GBA2: variants seen among roughly 807,000 people sequenced by gnomAD.
The protein encoded by GBA2 is glucosylceramidase beta 2, also known as non-lysosomal glucosylceramidase.
In GBA2, 79 loss-of-function variants were observed where a neutral mutation model predicts 112.9. The ratio of observed to expected loss-of-function variants is 0.70; its 90% CI spans 0.58 to 0.84. The LOEUF (loss-of-function observed/expected upper bound fraction) is 0.84. GBA2 is among the 40% of genes least tolerant of loss of function. The pLI is 0.00. For synonymous variants in GBA2, 403 were observed against 434.3 expected (o/e 0.93, Z 0.90); for missense variants, 1,043 against 1,190.0 (o/e 0.88, Z 1.82).
At position 35,739,810 on chromosome 9, in the gene GBA2, G is replaced by A. The variant is rs368581313; in HGVS notation, c.1410-10C>T. ...CCAGGCAGGCAGTGATCTGGGAAGC[G>A]AGGAGGAGGAAATGGTTTAAGGAAC... On this transcript the variant is annotated splice_polypyrimidine_tract_variant and intron_variant, in intron 8 of 16. Transcript: ENST00000378103. 6.2e-6 allele frequency: 10 copies of A among 1,612,190 alleles called. No homozygotes were observed. The African/African-American group carries it at 9.3e-5, about 15-fold the overall frequency.
Position 35,748,730 on chromosome 9 carries a change from C to T in GBA2, c.-26G>A, listed in dbSNP as rs1337224889. ...GACCTCGATGGCGCCAAGTCCCGAGCCCTCGGATACTAAGTATCTCGCCAG... is the reference window on the plus strand; with the variant it reads ...GACCTCGATGGCGCCAAGTCCCGAGTCCTCGGATACTAAGTATCTCGCCAG... On this transcript the variant is annotated 5_prime_UTR_variant, in exon 1 of 17. Coordinates refer to ENST00000378103, the MANE Select transcript of GBA2 (RefSeq NM_020944.3). 1.5e-6 allele frequency: 2 copies of T among 1,365,942 alleles called. No homozygotes were observed. The highest frequency in any genetic ancestry group is 1.5e-5 in the African/African-American group (1 of 68,672). The allele number at this position is 1,365,942 out of a possible 1,614,324, so 84.6% of individuals were successfully genotyped here.
At chr9:35,739,908 C>T (rs1826537175) in intron 8 of GBA2, 90 bp downstream of exon 8, 5 of 1,561,832 alleles carry the variant, frequency 3.2e-6, no homozygotes, top group South Asian at 1.1e-5. Flanking sequence ...CAGTGCAAGT[C>T]TACTGACTTT....
chr9:35,740,893 G>T lies in GBA2; in HGVS notation c.958C>A (p.Arg320=). 6.2e-7 allele frequency: 1 copy of T among 1,613,908 alleles called. No homozygotes were observed. Among genetic ancestry groups the T allele is most frequent in the Non-Finnish European group, 8.5e-7 (1 of 1,179,846 alleles). The change falls in exon 5 of 17, where the codon CGG becomes AGG. Residue 320 remains arginine (R), a synonymous_variant. Transcript: ENST00000378103. This position sits in a 1 kb window ranked among gnomAD's most constrained non-coding sequence, Gnocchi z 4.7. ...FCLERSGETV[R]GLLLHHPTLP... ...GTTGGATGATGCAGGAGCAGCCCCCGGACAGTTTCCCCGCTACGCTCCAGA... is the reference window on the plus strand; with the variant it reads ...GTTGGATGATGCAGGAGCAGCCCCCTGACAGTTTCCCCGCTACGCTCCAGA...
At chr9:35,742,790 G>A (rs1202228451) in intron 3 of GBA2, among the ~76,000 whole-genome samples, 2 of 152,134 alleles carry the variant, frequency 1.3e-5, no homozygotes, top group African/African-American at 4.8e-5. Context: ...AAAAGTTTTA[G>A]CTCTTGGAGG....
At position 35,740,262 on chromosome 9, in the gene GBA2, C is replaced by T. The variant is rs1269990947; in HGVS notation, c.1230G>A (p.Leu410=). ...PRGQCRLEFS[L]AWDMPRIMFG... is the part of the protein sequence containing the mutation. ...ACATGATCCTGGGCATGTCCCAAGC[C>T]AGTGAAAACTCCAGGCGGCACTGGC... is the stretch of plus-strand genomic sequence containing the variant. The change falls in exon 7 of 17, where the codon CTG becomes CTA. Residue 410 remains leucine, a synonymous_variant. Transcript: ENST00000378103. The surrounding 1 kb of genome is among the most constrained non-coding windows in gnomAD (Gnocchi z 4.7). 1.7e-5 allele frequency: 28 copies of T among 1,614,020 alleles called. No homozygotes were observed. The highest frequency in any genetic ancestry group is 2.1e-5 in the Non-Finnish European group (25 of 1,180,024).
chr9:35,741,316 A>G lies in GBA2; in HGVS notation c.787-252T>C, dbSNP rs1159208235. 7.4e-6 allele frequency: 4 copies of G among 537,316 alleles called. No homozygotes were observed. Among genetic ancestry groups the G allele is most frequent in the Admixed American group, 3.5e-5 (1 of 28,510 alleles). The allele number at this position is 537,316 out of a possible 1,614,324, so 33.3% of individuals were successfully genotyped here. A position where few individuals can be genotyped will look rare whatever the true frequency, so the allele number is the denominator to read the frequency against. On this transcript the variant is annotated intron_variant, in intron 4 of 16. Coordinates refer to ENST00000378103, the MANE Select transcript of GBA2 (RefSeq NM_020944.3). This position sits in a 1 kb window ranked among gnomAD's most constrained non-coding sequence, Gnocchi z 4.6. ...GGCTCCAACCTCCCTTTCACAGGCC[A>G]TGCAGTTTCTTTTTTTTTTTTTTTG...
rs371189722 is a variant in GBA2 at position 35,748,849 on chromosome 9, C to G, written c.-145G>C. The G allele has an allele frequency of 1.7e-6, 1 of 596,552 alleles. No individual in the cohort carries two copies. 37.0% of individuals were successfully genotyped at this position (596,552 alleles called of 1,614,324 possible). On this transcript the variant is annotated 5_prime_UTR_variant, in exon 1 of 17. Transcript: ENST00000378103. The stretch of plus-strand genomic sequence containing the variant: ...TAAATGAGCTGGTGTTTCAGTGGAG[C>G]CGGGGAGCTCTTGCTTCAGTGGGGG...
Position 35,737,747 on chromosome 9 carries a change from C to G in GBA2, c.2505+1G>C, listed in dbSNP as rs1826315911. On this transcript the variant is annotated splice_donor_variant, in intron 16 of 16. Transcript: ENST00000378103. LOFTEE classifies it high-confidence loss of function. This position sits in a 1 kb window ranked among gnomAD's most constrained non-coding sequence, Gnocchi z 4.1. Reference sequence around the variant, plus strand: ...GAGAGATGGGAAAAGGAGTGCATTACCTCTTGGATCATGGTAGCTGCCAGC... The same window carrying G: ...GAGAGATGGGAAAAGGAGTGCATTAGCTCTTGGATCATGGTAGCTGCCAGC... 6.2e-7 allele frequency: 1 copy of G among 1,613,750 alleles called. No individual in the cohort carries two copies. Among genetic ancestry groups the G allele is most frequent in the Non-Finnish European group, 8.5e-7 (1 of 1,179,652 alleles).
rs1826250129 is a variant in GBA2, at chr9:35,737,100, A to C, written c.*69T>G. On this transcript the variant is annotated 3_prime_UTR_variant, in exon 17 of 17. Coordinates refer to ENST00000378103, the MANE Select transcript of GBA2 (RefSeq NM_020944.3). This position sits in a 1 kb window ranked among gnomAD's most constrained non-coding sequence, Gnocchi z 4.1. ...GATGGCTCAGGGTTGCAGGAGGTTC[A>C]GAGGGGAAGGAGGAAAGGCCAGGCT... 1 of 1,551,140 alleles carries C rather than the reference A, an allele frequency of 6.4e-7. No individual in the cohort carries two copies. The highest frequency in any genetic ancestry group is 8.7e-7 in the Non-Finnish European group (1 of 1,154,636).
In GBA2 at chr9:35,739,395, G is replaced by A. The variant is rs747024085; in HGVS notation, c.1607C>T (p.Thr536Ile). Residue 536 changes from threonine to isoleucine, a missense_variant, in exon 10 of 17, where the codon ACA (threonine) becomes ATA (isoleucine). By Grantham distance (89) the Thr-to-Ile change is moderately conservative. Transcript: ENST00000378103. Reference sequence around the variant, plus strand: ...GGAAGCATAAAAGTGGACATCATATGTGTTGTACATGCGGTACTCCTGGCC... The same window carrying A: ...GGAAGCATAAAAGTGGACATCATATATGTTGTACATGCGGTACTCCTGGCC... ...LEGQEYRMYN[T>I]YDVHFYASFA... 6.2e-7 allele frequency: 1 copy of A among 1,612,408 alleles called. No individual in the cohort carries two copies. Among genetic ancestry groups the A allele is most frequent in the Non-Finnish European group, 8.5e-7 (1 of 1,178,450 alleles).
chr9:35,739,699 T>G lies in GBA2; in HGVS notation c.1511A>C (p.Glu504Ala). ...WLEVLEDSLP[E>A]ELGRNMCHLR... ...GTGACACATGTTTCTGCCCAGCTCC[T>G]CTGGTAGGGAGTCCTCAAGAACTTC... The change falls in exon 9 of 17, where the codon GAG (glutamate) becomes GCG (alanine). Residue 504 changes from glutamate (E) to alanine (A), a missense_variant. Coordinates refer to ENST00000378103, the MANE Select transcript of GBA2 (RefSeq NM_020944.3). 6.2e-7 allele frequency: 1 copy of G among 1,614,056 alleles called. No homozygotes were observed. Among genetic ancestry groups the G allele is most frequent in the Non-Finnish European group, 8.5e-7 (1 of 1,179,930 alleles).
At chr9:35,739,826 TTTAAGGAACATGTACC>T (rs1826531163) in intron 8 of GBA2, 26 bp from the exon 9 acceptor site, 1 of 1,609,442 alleles carries the variant, frequency 6.2e-7, no homozygotes, top group African/African-American at 1.3e-5. Flanking sequence ...GAGGAAATGG[TTTAAGGAACATGTACC>T]TCCCAAGATG....
rs1025071865 is a variant in GBA2 at position 35,748,688 on chromosome 9, G to T, written c.17C>A (p.Pro6Gln). The T allele has an allele frequency of 8.9e-6, 14 of 1,568,572 alleles. No homozygotes were observed. Among genetic ancestry groups the T allele is most frequent in the Admixed American group, 3.6e-5 (2 of 55,574 alleles). Residue 6 changes from proline (P) to glutamine (Q), a missense_variant, in exon 1 of 17, where the codon CCA (proline) becomes CAA (glutamine). Coordinates refer to ENST00000378103, the MANE Select transcript of GBA2 (RefSeq NM_020944.3). ...TGGGACGCCGGTTCCCATGTTCCCT[G>T]GATCCTGGGTCCCCATGACCTCGAT... Reference protein sequence around the residue: MGTQDPGNMGTGVPAS... With the variant: MGTQDQGNMGTGVPAS...
At position 35,748,731 on chromosome 9, in the gene GBA2, C is replaced by T; in HGVS notation, c.-27G>A. 6 of 1,367,626 alleles carry T rather than the reference C, an allele frequency of 4.4e-6. No individual in the cohort carries two copies. The highest frequency in any genetic ancestry group is 6.0e-6 in the Non-Finnish European group (6 of 996,152). The allele number at this position is 1,367,626 out of a possible 1,614,324, so 84.7% of individuals were successfully genotyped here. On this transcript the variant is annotated 5_prime_UTR_variant, in exon 1 of 17. Transcript: ENST00000378103. Reference sequence around the variant, plus strand: ...ACCTCGATGGCGCCAAGTCCCGAGCCCTCGGATACTAAGTATCTCGCCAGC... The same window carrying T: ...ACCTCGATGGCGCCAAGTCCCGAGCTCTCGGATACTAAGTATCTCGCCAGC...
intron 1 of GBA2, among the ~76,000 whole-genome samples, chr9:35,747,702 A>G (rs1827046262): frequency 6.6e-6 from 1 of 152,196 alleles, no homozygotes; most frequent in African/African-American, 2.4e-5. Context: ...CTTTGAACTC[A>G]GTGGGGATCT....
At position 35,741,862 on chromosome 9, in the gene GBA2, T is replaced by G; in HGVS notation, c.596A>C (p.Gln199Pro). The G allele has an allele frequency of 6.2e-7, 1 of 1,613,928 alleles. No homozygotes were observed. Among genetic ancestry groups the G allele is most frequent in the South Asian group, 1.1e-5 (1 of 91,074 alleles). The change falls in exon 4 of 17, where the codon CAG becomes CCG. Residue 199 changes from glutamine to proline, a missense_variant. Gln to Pro is a moderately conservative substitution (Grantham distance 76). Coordinates refer to ENST00000378103, the MANE Select transcript of GBA2 (RefSeq NM_020944.3). The surrounding 1 kb of genome is among the most constrained non-coding windows in gnomAD (Gnocchi z 4.6). ...GGACAGGACTTGCTGGTACACAGTCTGCCCTTCCCGACGCAGGCACACTGT... is the reference window on the plus strand; with the variant it reads ...GGACAGGACTTGCTGGTACACAGTCGGCCCTTCCCGACGCAGGCACACTGT... The part of the protein sequence containing the change: ...QFTVCLRREG[Q>P]TVYQQVLSLE...
intron 1 of GBA2, among the ~76,000 whole-genome samples, chr9:35,748,115 T>G (rs1418066124): frequency 6.6e-6 from 1 of 152,220 alleles, no homozygotes; most frequent in Non-Finnish European, 1.5e-5. Context: ...TGACCAAATG[T>G]TCCTACCCTT....
Position 35,739,297 on chromosome 9 carries a change from C to A in GBA2, c.1687+18G>T, listed in dbSNP as rs1219235997. On this transcript the variant is annotated intron_variant, in intron 10 of 16. Transcript: ENST00000378103. ...TGGGGAGCCAAGAGGGCAGAAGCGG[C>A]ACAAAAGGGATCCTCACCCATGTCA... is the stretch of plus-strand genomic sequence containing the variant. The A allele has an allele frequency of 6.5e-7, 1 of 1,534,738 alleles. No homozygotes were observed. The highest frequency in any genetic ancestry group is 9.0e-7 in the Non-Finnish European group (1 of 1,107,870).
Position 35,737,625 on chromosome 9 carries a change from A to G in GBA2, c.2505+123T>C. 3 of 1,586,830 alleles carry G rather than the reference A, an allele frequency of 1.9e-6. No homozygotes were observed. The highest frequency in any genetic ancestry group is 2.6e-6 in the Non-Finnish European group (3 of 1,165,436). Reference sequence around the variant, plus strand: ...AGGAGCTGGAATGCATACCAGGGAAAAATGGGAGGCTTTATAGACGGACAA... The same window carrying G: ...AGGAGCTGGAATGCATACCAGGGAAGAATGGGAGGCTTTATAGACGGACAA... On this transcript the variant is annotated intron_variant, in intron 16 of 16. Coordinates refer to ENST00000378103, the MANE Select transcript of GBA2 (RefSeq NM_020944.3). The surrounding 1 kb of genome is among the most constrained non-coding windows in gnomAD (Gnocchi z 4.1).
Sources: gnomAD v4.1 joint callset for allele counts (sites outside exome capture counted in the v4.1 genomes callset) on GRCh38, gnomAD v4.1.1 for gene constraint, Gnocchi (gnomAD v3.1) non-coding constraint, MANE v1.5 for transcripts, NCBI Gene and HGNC (gene_info 2026-07-23, HGNC 2026-07-21) for gene names.